The following FKBP11 variants were observed in gnomAD, a reference collection of about 807,000 sequenced individuals.
The protein encoded by FKBP11 is peptidyl-prolyl cis-trans isomerase FKBP11.
FKBP11 carries 21 observed loss-of-function variants against 24.7 expected under a neutral mutation model. That is an observed-to-expected ratio of 0.85 (90% CI 0.60 to 1.23). The LOEUF (loss-of-function observed/expected upper bound fraction) is 1.23, where lower values mean the gene tolerates loss of function less well. FKBP11 is among the 50% of genes most tolerant of loss of function. FKBP11 has a pLI of 0.00. For missense variants in FKBP11, 245 were observed against 248.7 expected (o/e 0.99, Z 0.10); for synonymous variants, 106 against 100.6 (o/e 1.05, Z -0.32).
intron 2 of FKBP11, 198 bp from the exon 3 acceptor site, chr12:48,924,846 C>T (rs1939922094): frequency 6.9e-7 from 1 of 1,443,558 alleles, no homozygotes; most frequent in African/African-American, 1.4e-5. Context: ...TTCTCCGTGC[C>T]AGGTAGGAAC....
upstream of FKBP11, among the ~76,000 whole-genome samples, chr12:48,927,087 C>A (rs963823350): frequency 6.6e-6 from 1 of 152,224 alleles, no homozygotes; most frequent in Admixed American, 6.5e-5. Context: ...GGATTACAGG[C>A]GTGAGCCAAT....
upstream of FKBP11, among the ~76,000 whole-genome samples, chr12:48,931,186 A>AGAC (rs1194964924): frequency 6.7e-6 from 1 of 150,024 alleles, no homozygotes; most frequent in Non-Finnish European, 1.5e-5. Context: ...CTTGAATGTC[A>AGAC]GACTAAGGCA....
chr12:48,933,943 G>A, the FKBP11 span, among the ~76,000 whole-genome samples: 3 of 152,084 alleles, frequency 2.0e-5, no homozygotes. Context: ...GCAATGGAAG[G>A]GGTGTCCCCC....
chr12:48,923,192 A>C, intron 5 of FKBP11: 1 of 1,223,600 alleles, frequency 8.2e-7, no homozygotes, highest in African/African-American at 1.5e-5. Context: ...TGTGGAGTAC[A>C]ACACATTTTA....
upstream of FKBP11, among the ~76,000 whole-genome samples, chr12:48,926,744 C>T (rs1201034166): frequency 2.6e-5 from 4 of 151,922 alleles, no homozygotes; most frequent in Non-Finnish European, 5.9e-5. Flanking sequence ...CCACCCACCT[C>T]GGCCTTCCAA....
At chr12:48,922,613 CCAATGAGCACATT>C in intron 5 of FKBP11, 1 of 996,596 alleles carries the variant, frequency 1.0e-6, no homozygotes, top group Non-Finnish European at 1.2e-6. Context: ...AATCAACCAA[CCAATGAGCACATT>C]CAACGTGATT....
Position 48,924,707 on chromosome 12 carries a change from G to C in FKBP11, c.196-59C>G. 8 of 1,591,484 alleles carry C rather than the reference G, an allele frequency of 5.0e-6. No homozygotes were observed. The Admixed American group carries it at 1.2e-4, about 23-fold the overall frequency. Reference sequence around the variant, plus strand: ...GCACCCTCTCCCTCCCAGCAGGCGCGCAACACACACCTGGACCGCTGGGCG... The same window carrying C: ...GCACCCTCTCCCTCCCAGCAGGCGCCCAACACACACCTGGACCGCTGGGCG... On this transcript the variant is annotated intron_variant, in intron 2 of 5. Coordinates refer to ENST00000550765, the MANE Select transcript of FKBP11 (RefSeq NM_016594.3).
upstream of FKBP11, among the ~76,000 whole-genome samples, chr12:48,927,442 T>C (rs1213514409): frequency 6.6e-6 from 1 of 152,224 alleles, no homozygotes; most frequent in African/African-American, 2.4e-5. Context: ...GTGTATGCAT[T>C]TGTCAGAACT....
the FKBP11 span, among the ~76,000 whole-genome samples, chr12:48,935,114 C>G: frequency 6.6e-6 from 1 of 151,346 alleles, no homozygotes; most frequent in Non-Finnish European, 1.5e-5. Context: ...TTTGGAGAAG[C>G]CTGGAAGGAG....
intron 5 of FKBP11, chr12:48,923,148 C>CAA (rs762759183): frequency 1.8e-3 from 1,541 of 854,126 alleles, no homozygotes; most frequent in Non-Finnish European, 2.0e-3. Flanking sequence ...AACTCCATCT[C>CAA]AAAAAAAAAA....
chr12:48,931,450 AAGG>A (rs1482324185), upstream of FKBP11: 3 of 1,535,888 alleles, frequency 2.0e-6, no homozygotes, highest in African/African-American at 2.7e-5. Flanking sequence ...GGGACCAGAG[AAGG>A]AGCTTTTTCC....
chr12:48,931,030 G>T (rs1940042147), upstream of FKBP11, among the ~76,000 whole-genome samples: 1 of 150,162 alleles, frequency 6.7e-6, no homozygotes, highest in African/African-American at 2.4e-5. Context: ...TCGGGAGGCT[G>T]AGGCAGGAGA....
chr12:48,933,367 G>C, the FKBP11 span, among the ~76,000 whole-genome samples: 44 of 152,144 alleles, frequency 2.9e-4, no homozygotes, highest in Non-Finnish European at 5.9e-5. Flanking sequence ...TGAGAGAACT[G>C]AATTCTGGCT....
rs534872964 is a variant in FKBP11, at chr12:48,921,983, A to C, written c.*1T>G. 1 of 1,578,530 alleles carries C rather than the reference A, an allele frequency of 6.3e-7. No homozygotes were observed. Among genetic ancestry groups the C allele is most frequent in the Middle Eastern group, 1.9e-4 (1 of 5,362 alleles). On this transcript the variant is annotated 3_prime_UTR_variant, in exon 6 of 6. Transcript: ENST00000550765. ...ATAAGTTTTTTAAAATTTATTATTT[A>C]TTATTTCTTTTTGCTCTTGTTTCGT...
chr12:48,923,893 GT>G lies in FKBP11; in HGVS notation c.318-42del, dbSNP rs754327968. On this transcript the variant is annotated intron_variant, in intron 4 of 5. Coordinates refer to ENST00000550765, the MANE Select transcript of FKBP11 (RefSeq NM_016594.3). ...TCAGTCACAGCCAGAGGCAGGAGAG[GT>G]AGGCCAGCAGCCTCAGTCCAGCTGA... The G allele has an allele frequency of 5.7e-6, 9 of 1,589,926 alleles. No homozygotes were observed. The East Asian group carries it at 2.0e-4, about 36-fold the overall frequency.
the FKBP11 span, chr12:48,938,229 A>G: frequency 0.34 from 124,175 of 361,008 alleles, 23,551 homozygotes; most frequent in Admixed American, 0.5. Flanking sequence ...AATGGTGGTG[A>G]AGAATCCATC....
intron 4 of FKBP11, 35 bp downstream of exon 4, chr12:48,924,188 G>T (rs56753830): frequency 1.7e-5 from 27 of 1,613,312 alleles, no homozygotes; most frequent in Non-Finnish European, 1.9e-5. Flanking sequence ...CCATGCAAAG[G>T]GGGTACCCAG....
chr12:48,937,950 C>G, the FKBP11 span: 1 of 158,816 alleles, frequency 6.3e-6, no homozygotes. Flanking sequence ...TGGAAAACCT[C>G]AGGCCTTCGC....
At chr12:48,930,474 T>A (rs1342593877), upstream of FKBP11, among the ~76,000 whole-genome samples, 1 of 152,236 alleles carries the variant, frequency 6.6e-6, no homozygotes, top group Non-Finnish European at 1.5e-5. Flanking sequence ...TTATAATTTT[T>A]TTCCTGCTCA....
Sources: gnomAD v4.1 joint callset for allele counts (sites outside exome capture counted in the v4.1 genomes callset) on GRCh38, gnomAD v4.1.1 for gene constraint, MANE v1.5 for transcripts, NCBI Gene and HGNC (gene_info 2026-07-23, HGNC 2026-07-21) for gene names.